Variants in APBB2 observed in about 807,000 individuals in gnomAD.
The protein encoded by APBB2 is Fe65-like 1.
Under a neutral mutation model 82.5 loss-of-function variants are expected in APBB2, and 38 were observed. The ratio of observed to expected loss-of-function variants is 0.46; its 90% CI spans 0.36 to 0.60. The LOEUF (loss-of-function observed/expected upper bound fraction) is 0.60. Among genes scored for constraint, APBB2 ranks in the 20% least tolerant of loss-of-function variants. APBB2 has a pLI of 0.00. For missense variants in APBB2, 772 were observed against 972.3 expected (o/e 0.79, Z 2.74); for synonymous variants, 341 against 368.2 (o/e 0.93, Z 0.85).
intron 3 of APBB2, among the ~76,000 whole-genome samples, chr4:41,079,088 G>C (rs775983259): frequency 6.6e-6 from 1 of 152,220 alleles, no homozygotes; most frequent in Non-Finnish European, 1.5e-5. Context: ...AAGTGACAGA[G>C]TTGGTACCAA....
chr4:40,982,222 G>A (rs6822273), intron 6 of APBB2, among the ~76,000 whole-genome samples: 21,905 of 33,624 alleles, frequency 0.65, 5,852 homozygotes, highest in Middle Eastern at 0.7. Context: ...GAAAAGAAAG[G>A]AAAGAAAGAA....
At position 40,872,634 on chromosome 4, in the gene APBB2, T is replaced by C. The variant is rs115690549; in HGVS notation, c.1529+17730A>G. On this transcript the variant is annotated intron_variant, in intron 12 of 17. Coordinates refer to ENST00000508593, the MANE Select transcript of APBB2 (RefSeq NM_004307.2). ...TCCCCAGAAAGCTAGATGGGATCAA[T>C]AGAGGAAGAAGGAGGGAGAAAAGGA... 3.9e-3 allele frequency among the ~76,000 whole-genome samples: 589 copies of C among 152,060 alleles called. 8 individuals carry two copies. The highest frequency in any genetic ancestry group is 0.013 in the African/African-American group (559 of 41,464).
intron 2 of APBB2, among the ~76,000 whole-genome samples, chr4:41,132,892 T>C (rs983834812): frequency 2.0e-5 from 3 of 152,030 alleles, no homozygotes; most frequent in Non-Finnish European, 4.4e-5. Flanking sequence ...AGCAAAATGA[T>C]ACATAATCAT....
At chr4:41,083,597 A>G (rs2153937693) in intron 3 of APBB2, among the ~76,000 whole-genome samples, 1 of 144,772 alleles carries the variant, frequency 6.9e-6, no homozygotes, top group African/African-American at 2.5e-5. Context: ...CTGAGGCAGG[A>G]GAATCGCTTG....
intron 12 of APBB2, among the ~76,000 whole-genome samples, chr4:40,889,238 T>A (rs1449921081): frequency 6.6e-6 from 1 of 152,248 alleles, no homozygotes; most frequent in African/African-American, 2.4e-5. Context: ...CATGTCTGGT[T>A]CTAGCATAAA....
At chr4:41,094,359 G>A (rs896078231) in intron 3 of APBB2, among the ~76,000 whole-genome samples, 1 of 152,176 alleles carries the variant, frequency 6.6e-6, no homozygotes. Context: ...GTCTTTGACA[G>A]CAAGTCACAA....
intron 7 of APBB2, among the ~76,000 whole-genome samples, chr4:40,943,512 C>T (rs1787567859): frequency 6.6e-6 from 1 of 152,138 alleles, no homozygotes; most frequent in Admixed American, 6.5e-5. Context: ...CACTGTGGTA[C>T]AGGGGGAATC....
intron 10 of APBB2, among the ~76,000 whole-genome samples, chr4:40,909,697 C>T (rs1778029798): frequency 6.6e-6 from 1 of 152,134 alleles, no homozygotes; most frequent in African/African-American, 2.4e-5. Flanking sequence ...GCAGGCATAT[C>T]TCATTAGACA....
intron 12 of APBB2, among the ~76,000 whole-genome samples, chr4:40,872,328 C>T (rs190560976): frequency 7.9e-5 from 12 of 152,338 alleles, no homozygotes; most frequent in Admixed American, 7.8e-4. Context: ...CTAACCTAGC[C>T]TGTGCTGAAG....
chr4:41,165,529 C>T (rs1766292042), intron 1 of APBB2, among the ~76,000 whole-genome samples: 2 of 152,130 alleles, frequency 1.3e-5, no homozygotes, highest in Non-Finnish European at 2.9e-5. Flanking sequence ...TCCTACTTAG[C>T]TCTTTAGTAA....
intron 12 of APBB2, among the ~76,000 whole-genome samples, chr4:40,869,149 C>T (rs1764782459): frequency 6.6e-6 from 1 of 152,118 alleles, no homozygotes; most frequent in Non-Finnish European, 1.5e-5. Context: ...CTGCCTCAGA[C>T]TCCTGAGTAG....
At chr4:40,860,302 G>A (rs1762458934) in intron 12 of APBB2, among the ~76,000 whole-genome samples, 1 of 152,190 alleles carries the variant, frequency 6.6e-6, no homozygotes, top group South Asian at 2.1e-4. Context: ...GGCCCATGCA[G>A]TATCAGCTCC....
intron 1 of APBB2, among the ~76,000 whole-genome samples, chr4:41,167,943 G>C (rs1186309945): frequency 1.3e-5 from 2 of 152,260 alleles, no homozygotes; most frequent in Non-Finnish European, 2.9e-5. Context: ...ACAAGGTCAG[G>C]ACAGAAACTG....
intron 4 of APBB2, among the ~76,000 whole-genome samples, chr4:41,052,806 C>A (rs1726507643): frequency 6.7e-6 from 1 of 150,026 alleles, no homozygotes; most frequent in African/African-American, 2.5e-5. Flanking sequence ...CTCACTCTGT[C>A]ACCCAGCTGG....
At chr4:41,097,745 TCAAA>T (rs1744017550) in intron 3 of APBB2, among the ~76,000 whole-genome samples, 1 of 152,132 alleles carries the variant, frequency 6.6e-6, no homozygotes, top group Non-Finnish European at 1.5e-5. Flanking sequence ...AAAATCTACC[TCAAA>T]CAATCAATTT....
intron 1 of APBB2, among the ~76,000 whole-genome samples, chr4:41,197,171 C>A: frequency 2.0e-5 from 3 of 152,000 alleles, no homozygotes; most frequent in Admixed American, 2.0e-4. Context: ...CAATGTCTGG[C>A]CTATTTTAAT....
At chr4:41,145,273 C>T (rs756321853) in intron 1 of APBB2, among the ~76,000 whole-genome samples, 1 of 152,114 alleles carries the variant, frequency 6.6e-6, no homozygotes, top group South Asian at 2.1e-4. Context: ...TACACTGGGG[C>T]CTTGGCAACC....
chr4:40,948,696 G>A (rs949262049), intron 6 of APBB2, among the ~76,000 whole-genome samples: 3 of 150,154 alleles, frequency 2.0e-5, no homozygotes, highest in South Asian at 2.1e-4. Context: ...GGAGGCGGAG[G>A]TTGCAGTGAG....
intron 6 of APBB2, among the ~76,000 whole-genome samples, chr4:40,964,775 C>CACACACACACACACACACACACACA (rs1170561072): frequency 1.3e-5 from 2 of 151,790 alleles, no homozygotes; most frequent in South Asian, 2.1e-4. Flanking sequence ...CACACACACA[C>CACACACACACACACACACACACACA]AACAATGCAC....
Sources: allele counts gnomAD v4.1 joint callset (sites outside exome capture counted in the v4.1 genomes callset), GRCh38; gene constraint gnomAD v4.1.1; transcripts MANE v1.5; gene names NCBI Gene and HGNC (gene_info 2026-07-23, HGNC 2026-07-21).